Variants in FLT4 observed in about 807,000 individuals in gnomAD.
FLT4 encodes the protein fms related receptor tyrosine kinase 4, also known as vascular endothelial growth factor receptor 3.
In FLT4, 30 loss-of-function variants were observed where a neutral mutation model predicts 163.2. That is an observed-to-expected ratio of 0.18 (90% CI 0.14 to 0.25). The LOEUF (loss-of-function observed/expected upper bound fraction) is 0.25, where lower values mean the gene tolerates loss of function less well. FLT4 is among the 10% of genes least tolerant of loss of function. The probability of loss-of-function intolerance (pLI) is 1.00; values close to 1 mark genes in which losing one functional copy is unlikely to be tolerated. For missense variants in FLT4, 1,510 were observed against 1,863.8 expected, an observed-to-expected ratio of 0.81 and a Z score of 3.50; for synonymous variants, 884 against 789.5, an observed-to-expected ratio of 1.12 and a Z score of -2.01.
intron 1 of FLT4, among the ~76,000 whole-genome samples, chr5:180,634,255 G>A (rs1394111467): frequency 6.6e-6 from 1 of 152,168 alleles, no homozygotes; most frequent in Non-Finnish European, 1.5e-5. Flanking sequence ...TCATCACTCA[G>A]GCAGCATCAG....
intron 1 of FLT4, among the ~76,000 whole-genome samples, chr5:180,635,865 A>G (rs868674824): frequency 0.025 from 1,598 of 63,280 alleles, no homozygotes; most frequent in African/African-American, 0.03. Flanking sequence ...GTATGGGTGG[A>G]TGGGTGGGTG....
chr5:180,624,647 G>A (rs1467067829), intron 10 of FLT4, among the ~76,000 whole-genome samples: 3 of 152,320 alleles, frequency 2.0e-5, no homozygotes, highest in South Asian at 2.1e-4. Flanking sequence ...ACTCTGTCCC[G>A]CTTCTCTGTG....
At chr5:180,609,717 C>T (rs1762026475) in intron 28 of FLT4, 188 bp downstream of exon 28, 1 of 680,418 alleles carries the variant, frequency 1.5e-6, no homozygotes, top group Non-Finnish European at 2.6e-6. Context: ...GGGCATAGGA[C>T]AGAAAGCAGC....
In FLT4 at chr5:180,629,072, C is replaced by T. The variant is rs1763877554; in HGVS notation, c.986-73G>A. On this transcript the variant is annotated intron_variant, in intron 7 of 29. Transcript: ENST00000261937. The stretch of plus-strand genomic sequence containing the variant: ...GACTGACCAGGGACTCCCCCCACGG[C>T]CCCTGCAGCCCCGGCAGCCGGACAT... 6.1e-6 allele frequency: 9 copies of T among 1,470,034 alleles called. No homozygotes were observed. In the South Asian group the frequency reaches 9.1e-5, roughly 15 times the overall value. 91.1% of individuals were successfully genotyped at this position (1,470,034 alleles called of 1,614,324 possible). A position where few individuals can be genotyped will look rare whatever the true frequency, so the allele number is the denominator to read the frequency against.
At position 180,631,706 on chromosome 5, in the gene FLT4, C is replaced by T. The variant is rs1764176015; in HGVS notation, c.131G>A (p.Gly44Asp). The part of the protein sequence containing the change: ...ITEESHVIDT[G>D]DSLSISCRGQ... The stretch of plus-strand genomic sequence containing the variant: ...CCTGCAGGAGATGGACAGGCTGTCA[C>T]CGGTGTCGATGACGTGTGACTCCTC... The change falls in exon 2 of 30, where the codon GGT becomes GAT. Residue 44 changes from glycine to aspartate, a missense_variant. By Grantham distance (94) the Gly-to-Asp change is moderately conservative (BLOSUM62 -1). Around this residue, in one of 5 missense-constraint regions of FLT4, gnomAD observed 157 missense variants for 178.7 expected, o/e 0.88. Coordinates refer to ENST00000261937, the MANE Select transcript of FLT4 (RefSeq NM_182925.5). 1.2e-6 allele frequency: 2 copies of T among 1,610,382 alleles called. No homozygotes were observed. The highest frequency in any genetic ancestry group is 1.7e-5 in the Admixed American group (1 of 60,018).
At chr5:180,634,513 T>C (rs982789265) in intron 1 of FLT4, among the ~76,000 whole-genome samples, 1 of 151,706 alleles carries the variant, frequency 6.6e-6, no homozygotes, top group Non-Finnish European at 1.5e-5. Flanking sequence ...CCATCCTGGC[T>C]AACACGGTGA....
intron 29 of FLT4, 118 bp from the exon 30 acceptor site, chr5:180,603,508 T>TA (rs777549987): frequency 9.1e-5 from 82 of 900,280 alleles, no homozygotes; most frequent in South Asian, 5.7e-4. Context: ...GGCCAGGAGT[T>TA]AGAGTCCAGC....
chr5:180,643,867 GCTGT>G (rs1765321004), intron 1 of FLT4, among the ~76,000 whole-genome samples: 1 of 151,822 alleles, frequency 6.6e-6, no homozygotes, highest in Non-Finnish European at 1.5e-5. Flanking sequence ...TGTTGCCCAG[GCTGT>G]AGTGCAGTGG....
intron 1 of FLT4, among the ~76,000 whole-genome samples, chr5:180,640,208 G>C (rs533664479): frequency 6.6e-6 from 1 of 152,148 alleles, no homozygotes; most frequent in South Asian, 2.1e-4. Flanking sequence ...CGAGCGAGGT[G>C]GGGGGCAGCC....
rs1406432333 is a variant in FLT4 at position 180,601,854 on chromosome 5, G to A, written c.*1338C>T. ...GGAGGTGGGGAGGGGAGGGTCGGCC[G>A]GGCAAGCCCCTGCCCGCTGCGCGGC... is the stretch of plus-strand genomic sequence containing the variant. On this transcript the variant is annotated 3_prime_UTR_variant, in exon 30 of 30. Coordinates refer to ENST00000261937, the MANE Select transcript of FLT4 (RefSeq NM_182925.5). 1.3e-5 allele frequency: 3 copies of A among 233,346 alleles called. No individual in the cohort carries two copies. Among genetic ancestry groups the A allele is most frequent in the Non-Finnish European group, 8.5e-6 (1 of 118,196 alleles). The allele number at this position is 233,346 out of a possible 1,614,324, so 14.5% of individuals were successfully genotyped here.
chr5:180,634,488 G>T (rs1764402650), intron 1 of FLT4, among the ~76,000 whole-genome samples: 1 of 151,992 alleles, frequency 6.6e-6, no homozygotes, highest in South Asian at 2.1e-4. Context: ...GGGTCACAAG[G>T]TCAGGAGATT....
At chr5:180,627,297 C>T (rs759755803) in intron 8 of FLT4, among the ~76,000 whole-genome samples, 6 of 152,106 alleles carry the variant, frequency 3.9e-5, no homozygotes, top group Non-Finnish European at 7.4e-5. Context: ...GACATCACAG[C>T]AGGGGCCCGG....
At position 180,629,267 on chromosome 5, in the gene FLT4, A is replaced by G. The variant is rs368409212; in HGVS notation, c.977T>C (p.Ile326Thr). Residue 326 changes from isoleucine (I) to threonine (T), a missense_variant, in exon 7 of 30, where the codon ATT becomes ACT. This residue lies in a region of FLT4 where 163 missense variants were observed against 281.1 expected (regional missense o/e 0.58). Coordinates refer to ENST00000261937, the MANE Select transcript of FLT4 (RefSeq NM_182925.5). Reference protein sequence around the residue: ...IQRFRESTEVIVHENPFISVE... With the variant: ...IQRFRESTEVTVHENPFISVE... The stretch of plus-strand genomic sequence containing the variant: ...GGTTTCCCAGGCCATACCATGCACA[A>G]TGACCTCGGTGCTCTCCCGAAATCG... 1.4e-5 allele frequency: 23 copies of G among 1,613,022 alleles called. No individual in the cohort carries two copies. The highest frequency in any genetic ancestry group is 1.8e-5 in the Non-Finnish European group (21 of 1,179,978).
At chr5:180,607,662 C>CCT (rs1554107862) in intron 29 of FLT4, among the ~76,000 whole-genome samples, 20 of 147,568 alleles carry the variant, frequency 1.4e-4, no homozygotes, top group African/African-American at 3.8e-4. Flanking sequence ...TACATACATA[C>CCT]ATATATATAT....
Position 180,611,463 on chromosome 5 carries a change from C to T in FLT4, c.3554G>A (p.Cys1185Tyr), listed in dbSNP as rs139544491. ...GCTCTGAGAGCTGCGCGGGGCCATG[C>T]AGACCTCCTCTTCCTCCTGGCGGGA... ...GRGLQEEEEV[C>Y]MAPRSSQSSE... The change falls in exon 27 of 30, where the codon TGC (cysteine) becomes TAC (tyrosine). Residue 1185 changes from cysteine to tyrosine, a missense_variant. This residue lies in a region of FLT4 where 295 missense variants were observed against 311.0 expected (regional missense o/e 0.95). Transcript: ENST00000261937. The T allele has an allele frequency of 1.1e-5, 18 of 1,613,748 alleles. No individual in the cohort carries two copies. The African/African-American group carries it at 2.1e-4, about 19-fold the overall frequency.
rs1455870798 is a variant in FLT4, at chr5:180,621,674, C to T, written c.1888G>A (p.Gly630Arg). ...LAASLEEVAP[G>R]ARHATLSLSI... ...AGGCTGAGCGTGGCGTGGCGCGCCC[C>T]AGGTGCCACCTCCTCCAGGCTGGCG... is the stretch of plus-strand genomic sequence containing the variant. Residue 630 changes from glycine to arginine, a missense_variant, in exon 13 of 30, where the codon GGG (glycine) becomes AGG (arginine). Transcript: ENST00000261937. The T allele has an allele frequency of 1.2e-6, 2 of 1,611,086 alleles. No individual in the cohort carries two copies. The highest frequency in any genetic ancestry group is 8.5e-7 in the Non-Finnish European group (1 of 1,178,652).
chr5:180,620,255 C>T lies in FLT4; in HGVS notation c.2460G>A (p.Gly820=), dbSNP rs751831615. Residue 820 remains glycine (G), a synonymous_variant, in exon 17 of 30, where the codon GGG becomes GGA. Coordinates refer to ENST00000261937, the MANE Select transcript of FLT4 (RefSeq NM_182925.5). This position sits in a 1 kb window ranked among gnomAD's most constrained non-coding sequence, Gnocchi z 4.4. ...TGYLSIIMDP[G]EVPLEEQCEY... ...CGCATTGCTCCTCCAGAGGCACCTC[C>T]CCGGGGTCCATGATGATGGACAGGT... 3 of 1,612,184 alleles carry T rather than the reference C, an allele frequency of 1.9e-6. No homozygotes were observed. The highest frequency in any genetic ancestry group is 2.2e-5 in the South Asian group (2 of 91,078).
chr5:180,616,594 C>T (rs1762710111), intron 22 of FLT4, 105 bp from the exon 23 acceptor site: 1 of 1,258,576 alleles, frequency 7.9e-7, no homozygotes, highest in Non-Finnish European at 1.1e-6. Flanking sequence ...ATGGGGATGC[C>T]CTGCCTGAAC....
At chr5:180,606,699 A>G (rs1462440886) in intron 29 of FLT4, among the ~76,000 whole-genome samples, 1 of 152,176 alleles carries the variant, frequency 6.6e-6, no homozygotes, top group Admixed American at 6.5e-5. Context: ...GGTGACGAAA[A>G]ATTAGCCCAA....
Sources: gnomAD v4.1 joint callset for allele counts (sites outside exome capture counted in the v4.1 genomes callset) on GRCh38, gnomAD v4.1.1 for gene constraint, gnomAD v4.1.1 regional missense constraint, Gnocchi (gnomAD v3.1) non-coding constraint, MANE v1.5 for transcripts, NCBI Gene and HGNC (gene_info 2026-07-23, HGNC 2026-07-21) for gene names.